Variants in COL21A1 observed in about 807,000 individuals in gnomAD.
The protein encoded by COL21A1 is collagen type XXI alpha 1 chain, also known as collagen alpha-1(XXI) chain.
Under a neutral mutation model 137.9 loss-of-function variants are expected in COL21A1, and 149 were observed. The observed-to-expected ratio is 1.08, with a 90% CI of 0.95 to 1.24. COL21A1 has a LOEUF of 1.24. Ranked by LOEUF, COL21A1 falls within the 50% of genes most tolerant of loss-of-function variation. COL21A1 has a pLI of 0.00. For missense variants in COL21A1, 1,167 were observed against 1,158.4 expected, an observed-to-expected ratio of 1.01 and a Z score of -0.11; for synonymous variants, 456 against 391.5, an observed-to-expected ratio of 1.16 and a Z score of -1.95.
At chr6:56,204,631 C>T (rs1272538184) in intron 1 of COL21A1, among the ~76,000 whole-genome samples, 1 of 152,146 alleles carries the variant, frequency 6.6e-6, no homozygotes, top group Non-Finnish European at 1.5e-5. Flanking sequence ...ACAAGCTCTG[C>T]TAAGGGACAG....
intron 12 of COL21A1, among the ~76,000 whole-genome samples, chr6:56,134,089 T>C (rs1446411003): frequency 6.6e-6 from 1 of 152,136 alleles, no homozygotes; most frequent in Non-Finnish European, 1.5e-5. Flanking sequence ...ATGGTATATC[T>C]ACCGATAGCT....
intron 10 of COL21A1, among the ~76,000 whole-genome samples, chr6:56,144,321 G>A (rs769881492): frequency 5.3e-5 from 8 of 152,106 alleles, no homozygotes; most frequent in Non-Finnish European, 1.0e-4. Context: ...GCTTTATGGC[G>A]GGTCAGATCT....
intron 10 of COL21A1, among the ~76,000 whole-genome samples, chr6:56,154,687 C>T (rs1421291854): frequency 6.6e-6 from 1 of 152,128 alleles, no homozygotes; most frequent in African/African-American, 2.4e-5. Context: ...CTCCAAATAG[C>T]ATTTATATTT....
At chr6:56,181,983 A>G (rs1777931577) in intron 2 of COL21A1, among the ~76,000 whole-genome samples, 1 of 152,210 alleles carries the variant, frequency 6.6e-6, no homozygotes, top group Admixed American at 6.5e-5. Flanking sequence ...TAACTTTTAT[A>G]GAGACCTTAG....
upstream of COL21A1, among the ~76,000 whole-genome samples, chr6:56,249,708 A>T (rs905746012): frequency 6.6e-6 from 1 of 152,202 alleles, no homozygotes; most frequent in African/African-American, 2.4e-5. Context: ...CCTATAATAC[A>T]TGAAGTGCTG....
At chr6:56,367,840 G>A (rs749795178) in intron 1 of COL21A1, among the ~76,000 whole-genome samples, 14 of 152,276 alleles carry the variant, frequency 9.2e-5, no homozygotes, top group East Asian at 1.9e-4. Flanking sequence ...TCAGCCTCAC[G>A]GGTAGCTGGG....
At chr6:56,067,005 TA>T (rs1766317104) in intron 23 of COL21A1, among the ~76,000 whole-genome samples, 1 of 27,954 alleles carries the variant, frequency 3.6e-5, no homozygotes, top group African/African-American at 1.8e-4. Context: ...GTATGTGGTA[TA>T]TATATATATG....
chr6:56,069,103 T>G lies in COL21A1; in HGVS notation c.2034A>C (p.Ala678=). Residue 678 remains alanine (A), a synonymous_variant, in exon 22 of 30, where the codon GCA becomes GCC. Transcript: ENST00000244728. ...ATCCTGGTTCTCCTGGGGAACCCGT[T>G]GCTCCTGGTTCTCCCTATGTAACAC... ...GASGLKGEPG[A]TGSPGEPGYM... 6.3e-7 allele frequency: 1 copy of G among 1,599,180 alleles called. No individual in the cohort carries two copies. Among genetic ancestry groups the G allele is most frequent in the Non-Finnish European group, 8.5e-7 (1 of 1,172,478 alleles).
chr6:56,063,981 C>A (rs1010023391), intron 24 of COL21A1, among the ~76,000 whole-genome samples: 1 of 152,080 alleles, frequency 6.6e-6, no homozygotes, highest in Admixed American at 6.6e-5. Context: ...TTTGTCCGTC[C>A]ACTTTGGCTC....
At chr6:56,348,102 CTTCA>C (rs760363589) in intron 1 of COL21A1, among the ~76,000 whole-genome samples, 5 of 152,126 alleles carry the variant, frequency 3.3e-5, no homozygotes, top group African/African-American at 4.8e-5. Flanking sequence ...AGAGGGCCCT[CTTCA>C]TTCATTCATT....
intron 1 of COL21A1, among the ~76,000 whole-genome samples, chr6:56,322,379 C>A (rs1480722482): frequency 2.0e-5 from 3 of 152,126 alleles, no homozygotes; most frequent in Non-Finnish European, 4.4e-5. Flanking sequence ...AACCAACTAC[C>A]ACTTCTTCAA....
At chr6:56,185,114 T>TA (rs897142808) in intron 1 of COL21A1, among the ~76,000 whole-genome samples, 3 of 150,466 alleles carry the variant, frequency 2.0e-5, no homozygotes, top group Non-Finnish European at 3.0e-5. Context: ...AAGCATATAT[T>TA]AAAAAAAAGA....
At chr6:56,170,010 A>G (rs1776906680) in intron 5 of COL21A1, among the ~76,000 whole-genome samples, 1 of 151,934 alleles carries the variant, frequency 6.6e-6, no homozygotes. Context: ...TTAGACTATC[A>G]TAATAATGAG....
At position 56,156,948 on chromosome 6, in the gene COL21A1, C is replaced by T. The variant is rs755025815; in HGVS notation, c.1373G>A (p.Gly458Asp). ...AGGGTTCCCAGGCAGTCCAGGGTCACCCTAAGCAGGAAGCAAACAAACTTT... is the reference window on the plus strand; with the variant it reads ...AGGGTTCCCAGGCAGTCCAGGGTCATCCTAAGCAGGAAGCAAACAAACTTT... ...PGKPGLQGPK[G>D]DPGLPGNPGY... The change falls in exon 10 of 30, where the codon GGT becomes GAT. Residue 458 changes from glycine to aspartate, a missense_variant and splice_region_variant. Physicochemically the swap from Gly to Asp is moderately conservative, Grantham distance 94. Coordinates refer to ENST00000244728, the MANE Select transcript of COL21A1 (RefSeq NM_030820.4). 6.2e-7 allele frequency: 1 copy of T among 1,610,256 alleles called. No individual in the cohort carries two copies. Among genetic ancestry groups the T allele is most frequent in the Non-Finnish European group, 8.5e-7 (1 of 1,178,246 alleles).
intron 1 of COL21A1, among the ~76,000 whole-genome samples, chr6:56,241,024 C>G (rs1473751897): frequency 1.3e-5 from 2 of 152,126 alleles, no homozygotes; most frequent in African/African-American, 4.8e-5. Context: ...TGCTCCCTCC[C>G]CATTCCATAG....
intron 1 of COL21A1, among the ~76,000 whole-genome samples, chr6:56,220,281 G>C (rs919375808): frequency 6.6e-6 from 1 of 152,112 alleles, no homozygotes; most frequent in African/African-American, 2.4e-5. Context: ...GATGTACAAA[G>C]AATTCTGGTG....
rs376558828 is a variant in COL21A1, at chr6:56,253,380, T to C, written c.-38-70724A>G. ...AACCTTTGACCCAAATGGGGCCAGTTAGAGGTCTCTCCAGGACTTTGGAAG... is the reference window on the plus strand; with the variant it reads ...AACCTTTGACCCAAATGGGGCCAGTCAGAGGTCTCTCCAGGACTTTGGAAG... On this transcript the variant is annotated intron_variant, in intron 1 of 28. Coordinates refer to the COL21A1 transcript ENST00000370819. Among the ~76,000 whole-genome samples the C allele has an allele frequency of 2.7e-4, 41 of 152,336 alleles. 1 individual carries two copies. The East Asian group carries it at 3.9e-3, about 14-fold the overall frequency.
At chr6:56,107,938 G>T (rs957469107) in intron 16 of COL21A1, among the ~76,000 whole-genome samples, 1 of 151,822 alleles carries the variant, frequency 6.6e-6, no homozygotes, top group Non-Finnish European at 1.5e-5. Context: ...AAGAAGAAAA[G>T]ATTAAAGAAA....
intron 1 of COL21A1, among the ~76,000 whole-genome samples, chr6:56,350,613 C>G (rs982254078): frequency 6.6e-6 from 1 of 152,164 alleles, no homozygotes; most frequent in Admixed American, 6.5e-5. Context: ...GTTTTCTAGA[C>G]CTTCCATAAG....
Sources: allele counts gnomAD v4.1 joint callset (sites outside exome capture counted in the v4.1 genomes callset), GRCh38; gene constraint gnomAD v4.1.1; transcripts MANE v1.5; gene names NCBI Gene and HGNC (gene_info 2026-07-23, HGNC 2026-07-21).